Variants in TPTE observed in about 807,000 individuals in gnomAD.
TPTE encodes the protein putative tyrosine-protein phosphatase TPTE.
Under a neutral mutation model 84.1 loss-of-function variants are expected in TPTE, and 59 were observed. The ratio of observed to expected loss-of-function variants is 0.70; its 90% confidence interval spans 0.57 to 0.87. The LOEUF (loss-of-function observed/expected upper bound fraction) is 0.87, where lower values mean the gene tolerates loss of function less well. TPTE is among the 40% of genes least tolerant of loss of function. The pLI, the probability that TPTE is intolerant of heterozygous loss-of-function variation, is 0.00. For missense variants in TPTE, 382 were observed against 659.6 expected (o/e 0.58, Z 4.61); for synonymous variants, 130 against 223.5 (o/e 0.58, Z 3.73).
At chr21:10,531,596 G>A (rs985288810) in intron 3 of TPTE, among the ~76,000 whole-genome samples, 56 of 152,280 alleles carry the variant, frequency 3.7e-4, no homozygotes, top group Admixed American at 6.5e-4. Flanking sequence ...TTGGACTATC[G>A]CTTTATGTAT....
Position 10,541,096 on chromosome 21 carries a change from C to T in TPTE, c.12-16C>T, listed in dbSNP as rs1419758205. On this transcript the variant is annotated splice_polypyrimidine_tract_variant and intron_variant, in intron 4 of 23. Transcript: ENST00000618007. ...ATTACGCATTGGGTCTGACTCTGACCATATTTGTCCTTTAGTCCTGATCCG... is the reference window on the plus strand; with the variant it reads ...ATTACGCATTGGGTCTGACTCTGACTATATTTGTCCTTTAGTCCTGATCCG... The T allele has an allele frequency of 2.5e-6, 4 of 1,612,828 alleles. No individual in the cohort carries two copies. The highest frequency in any genetic ancestry group is 2.2e-5 in the East Asian group (1 of 44,864).
chr21:10,564,724 A>G (rs112075129), intron 10 of TPTE, among the ~76,000 whole-genome samples: 370 of 152,228 alleles, frequency 2.4e-3, no homozygotes, highest in African/African-American at 8.5e-3. Context: ...GCGATACATT[A>G]TATCCACACA....
At chr21:10,592,433 G>A (rs2145777985) in intron 19 of TPTE, 60 bp downstream of exon 19, 1 of 1,590,514 alleles carries the variant, frequency 6.3e-7, no homozygotes, top group Non-Finnish European at 8.6e-7. Flanking sequence ...ATTGCCACCT[G>A]TTATTTGGTT....
intron 1 of TPTE, among the ~76,000 whole-genome samples, chr21:10,524,075 A>G (rs1295062982): frequency 6.6e-6 from 1 of 152,312 alleles, no homozygotes; most frequent in Non-Finnish European, 1.5e-5. Context: ...CAAGAGCGCT[A>G]GGATTCTGTT....
At chr21:10,541,540 A>C (rs565343447) in intron 5 of TPTE, among the ~76,000 whole-genome samples, 2 of 152,292 alleles carry the variant, frequency 1.3e-5, no homozygotes, top group Non-Finnish European at 2.9e-5. Context: ...GACCGAGATT[A>C]GTGGGATTAA....
chr21:10,557,400 T>C (rs1430128850), intron 8 of TPTE, among the ~76,000 whole-genome samples: 2 of 152,310 alleles, frequency 1.3e-5, no homozygotes, highest in Non-Finnish European at 2.9e-5. Flanking sequence ...CTGAAACAGA[T>C]TAAGGGGCTA....
intron 7 of TPTE, among the ~76,000 whole-genome samples, chr21:10,548,349 C>T (rs2074509455): frequency 6.6e-6 from 1 of 152,310 alleles, no homozygotes; most frequent in Non-Finnish European, 1.5e-5. Flanking sequence ...GTATCCATTC[C>T]CAGCAGATGC....
rs112517452 is a variant in TPTE, at chr21:10,541,032, A to G, written c.12-80A>G. On this transcript the variant is annotated intron_variant, in intron 4 of 23. Transcript: ENST00000618007. ...AATAAAAGTGTAACTGGGGAATGAC[A>G]CATAGACTAACTGTAGCTATTTGTT... 1.7e-3 allele frequency: 2,766 copies of G among 1,589,262 alleles called. No individual in the cohort carries two copies. In the African/African-American group the frequency reaches 0.032, roughly 19 times the overall value.
chr21:10,550,828 A>G (rs1300843891), intron 7 of TPTE, among the ~76,000 whole-genome samples: 2 of 152,060 alleles, frequency 1.3e-5, no homozygotes, highest in African/African-American at 4.8e-5. Flanking sequence ...ATGAAACATT[A>G]TCTAAGATAG....
chr21:10,549,823 GT>G (rs1410609065), intron 7 of TPTE, among the ~76,000 whole-genome samples: 1 of 152,308 alleles, frequency 6.6e-6, no homozygotes, highest in Non-Finnish European at 1.5e-5. Flanking sequence ...TAGACATCTA[GT>G]TCCAGGAAGA....
At chr21:10,590,593 G>A in intron 18 of TPTE, 70 bp downstream of exon 18, 2 of 1,604,124 alleles carry the variant, frequency 1.2e-6, no homozygotes, top group South Asian at 1.1e-5. Context: ...ATCACTGGCA[G>A]GACATTAAGA....
chr21:10,604,613 T>C (rs1568803080), intron 23 of TPTE, among the ~76,000 whole-genome samples: 1 of 149,586 alleles, frequency 6.7e-6, no homozygotes, highest in Non-Finnish European at 1.5e-5. Context: ...TTTACAAGTT[T>C]TTTTTTTTGG....
chr21:10,565,331 A>G (rs1261520860), intron 10 of TPTE, among the ~76,000 whole-genome samples: 1 of 152,308 alleles, frequency 6.6e-6, no homozygotes, highest in Non-Finnish European at 1.5e-5. Context: ...TGAAAATGAT[A>G]AAACACTGAT....
At chr21:10,601,824 G>C (rs1370557000) in intron 21 of TPTE, among the ~76,000 whole-genome samples, 10 of 152,266 alleles carry the variant, frequency 6.6e-5, no homozygotes, top group Non-Finnish European at 1.5e-4. Context: ...CTGCACTTCA[G>C]CCTGGGTGAC....
chr21:10,543,465 C>T (rs2074409283), intron 7 of TPTE, 83 bp downstream of exon 7: 14 of 1,605,324 alleles, frequency 8.7e-6, no homozygotes, highest in Admixed American at 1.7e-5. Context: ...ACAAATATAT[C>T]CATCCATCTT....
intron 3 of TPTE, among the ~76,000 whole-genome samples, chr21:10,537,337 A>T (rs895127006): frequency 1.3e-5 from 2 of 152,312 alleles, no homozygotes; most frequent in Non-Finnish European, 2.9e-5. Context: ...CCAAGTCTAA[A>T]TTCAAATCAG....
chr21:10,605,103 C>CAA (rs1979116690), intron 23 of TPTE, among the ~76,000 whole-genome samples: 1 of 152,312 alleles, frequency 6.6e-6, no homozygotes, highest in Non-Finnish European at 1.5e-5. Context: ...ACTGGGCTTT[C>CAA]ATTCATGTCT....
chr21:10,538,084 C>T (rs2074300465), intron 3 of TPTE, among the ~76,000 whole-genome samples: 3 of 152,312 alleles, frequency 2.0e-5, no homozygotes. Context: ...CTGAGGACAG[C>T]AGAGAATCCT....
intron 10 of TPTE, among the ~76,000 whole-genome samples, chr21:10,565,115 A>T (rs1218086929): frequency 6.6e-6 from 1 of 152,308 alleles, no homozygotes; most frequent in Non-Finnish European, 1.5e-5. Flanking sequence ...AATACTAAAG[A>T]CTCCACCAAA....
Sources: allele counts gnomAD v4.1 joint callset (sites outside exome capture counted in the v4.1 genomes callset), GRCh38; gene constraint gnomAD v4.1.1; transcripts MANE v1.5; gene names NCBI Gene and HGNC (gene_info 2026-07-23, HGNC 2026-07-21).